MACROD2: variants seen among roughly 807,000 people sequenced by gnomAD.
MACROD2 encodes the protein ADP-ribose glycohydrolase MACROD2.
Under a neutral mutation model 70.4 loss-of-function variants are expected in MACROD2, and 36 were observed. The observed-to-expected ratio is 0.51, with a 90% CI of 0.39 to 0.68. MACROD2 has a LOEUF of 0.68. Among genes scored for constraint, MACROD2 ranks in the 30% least tolerant of loss-of-function variants. The pLI is 0.00. For synonymous variants in MACROD2, 172 were observed against 178.8 expected, an observed-to-expected ratio of 0.96 and a Z score of 0.30; for missense variants, 496 against 538.4, an observed-to-expected ratio of 0.92 and a Z score of 0.78.
At chr20:15,068,229 T>C (rs547302513) in intron 5 of MACROD2, among the ~76,000 whole-genome samples, 1 of 152,322 alleles carries the variant, frequency 6.6e-6, no homozygotes, top group East Asian at 1.9e-4. Context: ...ATTGTTATTG[T>C]ATTATTACAT....
At chr20:15,574,509 T>C (rs1356851203) in intron 8 of MACROD2, among the ~76,000 whole-genome samples, 1 of 152,186 alleles carries the variant, frequency 6.6e-6, no homozygotes, top group Admixed American at 6.5e-5. Context: ...GGTGTTTTGT[T>C]CAGTCTGAGG....
At position 14,842,050 on chromosome 20, in the gene MACROD2, G is replaced by A. The variant is rs367675097; in HGVS notation, c.418+157091G>A. ...TTTGTTTGTTTGTTTGTTTATTCAC[G>A]AGTCTAGAGGCTGGGAAGTCCAAAA... On this transcript the variant is annotated intron_variant, in intron 5 of 17. Transcript: ENST00000684519. 2.8e-4 allele frequency among the ~76,000 whole-genome samples: 42 copies of A among 150,942 alleles called. 1 individual carries two copies. Among genetic ancestry groups the A allele is most frequent in the African/African-American group, 8.8e-4 (36 of 41,082 alleles).
chr20:14,800,831 T>C (rs1284386000), intron 5 of MACROD2, among the ~76,000 whole-genome samples: 1 of 150,864 alleles, frequency 6.6e-6, no homozygotes, highest in Non-Finnish European at 1.5e-5. Context: ...TATTTAATTG[T>C]AGTGCTCTGC....
At chr20:14,868,096 C>T (rs1344288781) in intron 5 of MACROD2, among the ~76,000 whole-genome samples, 2 of 151,994 alleles carry the variant, frequency 1.3e-5, no homozygotes, top group Non-Finnish European at 2.9e-5. Context: ...GCCAAAAGGA[C>T]ATTATCACTG....
intron 3 of MACROD2, among the ~76,000 whole-genome samples, chr20:14,228,668 A>G (rs1222311532): frequency 1.3e-5 from 2 of 152,248 alleles, no homozygotes; most frequent in Non-Finnish European, 2.9e-5. Flanking sequence ...TGATTTAGGA[A>G]GATGTCTGAA....
chr20:16,003,097 C>T (rs2066736519), intron 15 of MACROD2, among the ~76,000 whole-genome samples: 1 of 111,606 alleles, frequency 9.0e-6, no homozygotes, highest in Admixed American at 9.0e-5. Flanking sequence ...CACACACACA[C>T]ACACACACAC....
chr20:14,361,544 T>G (rs1388324622), intron 3 of MACROD2, among the ~76,000 whole-genome samples: 2 of 152,200 alleles, frequency 1.3e-5, no homozygotes, highest in Non-Finnish European at 2.9e-5. Flanking sequence ...AAATGATACA[T>G]GTTTAAAGAT....
At chr20:15,464,720 A>T (rs1016021257) in intron 7 of MACROD2, among the ~76,000 whole-genome samples, 8 of 152,212 alleles carry the variant, frequency 5.3e-5, no homozygotes, top group African/African-American at 1.9e-4. Flanking sequence ...TCAGAACTCC[A>T]TCTTAAGATA....
chr20:15,766,488 C>CAA (rs2051527816), intron 8 of MACROD2, among the ~76,000 whole-genome samples: 2 of 152,168 alleles, frequency 1.3e-5, no homozygotes, highest in Admixed American at 6.5e-5. Context: ...GTCTCTTATT[C>CAA]TCTCCTGAAG....
intron 3 of MACROD2, among the ~76,000 whole-genome samples, chr20:14,130,830 A>G (rs2054707685): frequency 1.3e-5 from 2 of 152,102 alleles, no homozygotes; most frequent in African/African-American, 4.8e-5. Context: ...GATTAGTAGA[A>G]TCTTCCTAAT....
intron 8 of MACROD2, among the ~76,000 whole-genome samples, chr20:15,763,834 A>G (rs1170684759): frequency 2.0e-5 from 3 of 152,236 alleles, no homozygotes; most frequent in Non-Finnish European, 2.9e-5. Context: ...TGTTTAGGTA[A>G]TATTTGCAAG....
intron 5 of MACROD2, among the ~76,000 whole-genome samples, chr20:15,048,930 C>T (rs1176340211): frequency 6.6e-6 from 1 of 151,926 alleles, no homozygotes; most frequent in African/African-American, 2.4e-5. Context: ...ACATTTTTCT[C>T]ATTTTTTTTC....
At chr20:14,183,717 A>G (rs776855355) in intron 3 of MACROD2, among the ~76,000 whole-genome samples, 32 of 152,106 alleles carry the variant, frequency 2.1e-4, no homozygotes, top group Non-Finnish European at 4.0e-4. Flanking sequence ...GTGACTTTTT[A>G]ATAATAGTCA....
At chr20:15,241,522 GTAA>G (rs553792640) in intron 6 of MACROD2, among the ~76,000 whole-genome samples, 3 of 152,092 alleles carry the variant, frequency 2.0e-5, no homozygotes, top group Non-Finnish European at 4.4e-5. Context: ...CTATGAAATA[GTAA>G]TAATATAACC....
intron 6 of MACROD2, among the ~76,000 whole-genome samples, chr20:15,426,800 G>A (rs2046303977): frequency 6.6e-6 from 1 of 152,108 alleles, no homozygotes; most frequent in Non-Finnish European, 1.5e-5. Context: ...CCTGGCATGG[G>A]TTTTGGTACA....
chr20:15,342,586 C>T (rs2078122108), intron 6 of MACROD2, among the ~76,000 whole-genome samples: 1 of 152,146 alleles, frequency 6.6e-6, no homozygotes, highest in Non-Finnish European at 1.5e-5. Flanking sequence ...TTAAATATTT[C>T]TAATCTTTTA....
chr20:14,943,600 G>A (rs1386456260), intron 5 of MACROD2, among the ~76,000 whole-genome samples: 1 of 152,032 alleles, frequency 6.6e-6, no homozygotes, highest in Non-Finnish European at 1.5e-5. Flanking sequence ...ATAATGGTTG[G>A]AGTTAAGAGC....
chr20:16,021,790 T>C (rs1354518023), intron 15 of MACROD2, among the ~76,000 whole-genome samples: 1 of 152,160 alleles, frequency 6.6e-6, no homozygotes, highest in Non-Finnish European at 1.5e-5. Flanking sequence ...AGAATTCACA[T>C]CTCAAATTTA....
intron 8 of MACROD2, among the ~76,000 whole-genome samples, chr20:15,568,816 C>T (rs916247221): frequency 5.3e-5 from 8 of 152,156 alleles, no homozygotes; most frequent in African/African-American, 1.9e-4. Context: ...TTCCTAGATG[C>T]CAAGATCAGT....
Sources: gnomAD v4.1 joint callset for allele counts (sites outside exome capture counted in the v4.1 genomes callset) on GRCh38, gnomAD v4.1.1 for gene constraint, MANE v1.5 for transcripts, NCBI Gene and HGNC (gene_info 2026-07-23, HGNC 2026-07-21) for gene names.